Variants in NDRG4 observed in about 807,000 individuals in gnomAD.
NDRG4 encodes the protein protein NDRG4.
NDRG4 carries 38 observed loss-of-function variants against 55.8 expected under a neutral mutation model. The ratio of observed to expected loss-of-function variants is 0.68; its 90% confidence interval spans 0.53 to 0.89. The LOEUF (loss-of-function observed/expected upper bound fraction) is 0.89. Ranked by LOEUF, NDRG4 falls within the 40% of genes least tolerant of loss-of-function variation. The pLI is 0.00. For missense variants in NDRG4, 455 were observed against 468.6 expected (o/e 0.97, Z 0.27); for synonymous variants, 190 against 182.7 (o/e 1.04, Z -0.32).
Position 58,512,035 on chromosome 16 carries a change from T to A in NDRG4, c.*459T>A, listed in dbSNP as rs971283650. The A allele has an allele frequency of 2.2e-6, 1 of 458,448 alleles. No individual in the cohort carries two copies. The highest frequency in any genetic ancestry group is 2.3e-5 in the Admixed American group (1 of 42,604). 28.4% of individuals were successfully genotyped at this position (458,448 alleles called of 1,614,324 possible). On this transcript the variant is annotated 3_prime_UTR_variant, in exon 15 of 15. Coordinates refer to ENST00000570248, the MANE Select transcript of NDRG4 (RefSeq NM_001242835.2). ...CCACCCTCCACCAAGCACACCTGTT[T>A]CTGTCTCATAGCACATGTGACAATC... is the stretch of plus-strand genomic sequence containing the variant.
intron 5 of NDRG4, chr16:58,506,066 T>G (rs2037928346): frequency 6.1e-6 from 3 of 490,700 alleles, no homozygotes; most frequent in Non-Finnish European, 7.4e-6. Flanking sequence ...ATGCTTAAGA[T>G]TTTAAGATGT....
rs576277781 is a variant in NDRG4 at position 58,508,527 on chromosome 16, G to A, written c.730-435G>A. Among the ~76,000 whole-genome samples the A allele has an allele frequency of 7.9e-5, 12 of 152,262 alleles. No individual in the cohort carries two copies. The South Asian group carries it at 1.5e-3, about 18-fold the overall frequency. On this transcript the variant is annotated intron_variant, in intron 10 of 14. Coordinates refer to ENST00000570248, the MANE Select transcript of NDRG4 (RefSeq NM_001242835.2). The stretch of plus-strand genomic sequence containing the variant: ...GTCCAGAAGTGCCCAGAGCAGCCCC[G>A]TGCGCCCTGAAAATACCAGGCTTTC...
At chr16:58,469,249 C>T (rs2032315620) in intron 1 of NDRG4, among the ~76,000 whole-genome samples, 1 of 152,016 alleles carries the variant, frequency 6.6e-6, no homozygotes, top group Non-Finnish European at 1.5e-5. Context: ...TCCTCATTTC[C>T]AGTTCATCTG....
chr16:58,496,382 G>A (rs1292740801), upstream of NDRG4, among the ~76,000 whole-genome samples: 4 of 152,098 alleles, frequency 2.6e-5, no homozygotes, highest in Admixed American at 2.6e-4. Flanking sequence ...GCACCTTCCT[G>A]TCCACTCCTG....
intron 1 of NDRG4, among the ~76,000 whole-genome samples, chr16:58,486,226 A>G (rs1344316280): frequency 1.3e-5 from 2 of 152,140 alleles, no homozygotes; most frequent in Non-Finnish European, 2.9e-5. Context: ...CAGTGGTGCA[A>G]TCATAGCTCC....
intron 5 of NDRG4, chr16:58,505,902 A>G (rs745806603): frequency 1.7e-5 from 4 of 239,514 alleles, no homozygotes; most frequent in Non-Finnish European, 3.2e-5. Flanking sequence ...TTGTATTTTT[A>G]TTAGAGACAG....
chr16:58,506,385 A>C lies in NDRG4; in HGVS notation c.373-2A>C. ...CCGGCCCTGTTTCCCCTCTTACTGC[A>C]GCTCATCTTCCCCGACCTGGTGGAG... On this transcript the variant is annotated splice_acceptor_variant, in intron 5 of 14. Transcript: ENST00000570248. LOFTEE classifies it high-confidence loss of function. 6.2e-7 allele frequency: 1 copy of C among 1,613,792 alleles called. No homozygotes were observed. The highest frequency in any genetic ancestry group is 8.5e-7 in the Non-Finnish European group (1 of 1,179,950).
At chr16:58,474,420 C>T (rs892393437) in intron 1 of NDRG4, among the ~76,000 whole-genome samples, 1 of 152,184 alleles carries the variant, frequency 6.6e-6, no homozygotes, top group African/African-American at 2.4e-5. Context: ...TTGCTGTTCC[C>T]CCTGCCCTGA....
Position 58,503,919 on chromosome 16 carries a change from C to T in NDRG4, c.127+16C>T. 1.9e-6 allele frequency: 3 copies of T among 1,612,686 alleles called. No homozygotes were observed. The highest frequency in any genetic ancestry group is 2.5e-6 in the Non-Finnish European group (3 of 1,179,710). On this transcript the variant is annotated intron_variant, in intron 2 of 14. Coordinates refer to ENST00000570248, the MANE Select transcript of NDRG4 (RefSeq NM_001242835.2). ...GGCCTCAACCGTAAGTGCAGCCCAG[C>T]CTCAGTCAGCCCTCCTCTGCCTCCC...
At chr16:58,501,635 T>G in intron 1 of NDRG4, 2 of 200,724 alleles carry the variant, frequency 1.0e-5, no homozygotes, top group Non-Finnish European at 2.1e-5. Flanking sequence ...GTTAGGGAGG[T>G]TCGCAGCAGG....
At chr16:58,474,926 G>A (rs1250144537) in intron 1 of NDRG4, among the ~76,000 whole-genome samples, 2 of 152,234 alleles carry the variant, frequency 1.3e-5, no homozygotes, top group Admixed American at 1.3e-4. Flanking sequence ...AGGCAGGAAA[G>A]CTCTGGGAGT....
At chr16:58,500,487 A>T in intron 1 of NDRG4, 15 of 344,384 alleles carry the variant, frequency 4.4e-5, no homozygotes, top group East Asian at 1.0e-4. Flanking sequence ...GTCAGAGCCC[A>T]TAGCAGGGGC....
At chr16:58,476,218 T>G (rs972362159) in intron 1 of NDRG4, among the ~76,000 whole-genome samples, 4 of 152,194 alleles carry the variant, frequency 2.6e-5, no homozygotes, top group Non-Finnish European at 5.9e-5. Context: ...ATCTAAAATA[T>G]GGGGATTATT....
At position 58,480,829 on chromosome 16, in the gene NDRG4, G is replaced by A. The variant is rs371416581; in HGVS notation, c.-23-6927G>A. Among the ~76,000 whole-genome samples, 8 of 152,182 alleles carry A rather than the reference G, an allele frequency of 5.3e-5. No individual in the cohort carries two copies. The South Asian group carries it at 1.7e-3, about 32-fold the overall frequency. ...AGAGTCCCAGCCTGGCCAACATGGTGAAACCCCATTACTACTAAAAGTACA... is the reference window on the plus strand; with the variant it reads ...AGAGTCCCAGCCTGGCCAACATGGTAAAACCCCATTACTACTAAAAGTACA... On this transcript the variant is annotated intron_variant, in intron 1 of 15. Coordinates refer to the NDRG4 transcript ENST00000258187.
intron 1 of NDRG4, among the ~76,000 whole-genome samples, chr16:58,470,513 TGGCA>T (rs2032561593): frequency 6.6e-6 from 1 of 152,252 alleles, no homozygotes; most frequent in Admixed American, 6.5e-5. Context: ...TTACCTGATG[TGGCA>T]AAAGAGATTT....
chr16:58,486,918 C>T (rs1445923724), intron 1 of NDRG4, among the ~76,000 whole-genome samples: 1 of 152,100 alleles, frequency 6.6e-6, no homozygotes, highest in Non-Finnish European at 1.5e-5. Flanking sequence ...ATCACTCGGC[C>T]TGCCACACCA....
At chr16:58,496,223 C>T (rs1336782523), upstream of NDRG4, among the ~76,000 whole-genome samples, 1 of 152,024 alleles carries the variant, frequency 6.6e-6, no homozygotes, top group Non-Finnish European at 1.5e-5. Context: ...GGAGACCCTA[C>T]CATACCTCTG....
At position 58,504,612 on chromosome 16, in the gene NDRG4, G is replaced by C. The variant is rs778690374; in HGVS notation, c.335G>C (p.Gly112Ala). 22 of 1,614,184 alleles carry C rather than the reference G, an allele frequency of 1.4e-5. No individual in the cohort carries two copies. Among genetic ancestry groups the C allele is most frequent in the Non-Finnish European group, 1.9e-5 (22 of 1,180,044 alleles). ...AGGTTCAAGTATGTGATTGGCATCG[G>C]AGTGGGCGCCGGAGCCTATGTGCTG... ...HFGFKYVIGI[G>A]VGAGAYVLAK... is the part of the protein sequence containing the mutation. The change falls in exon 5 of 15, where the codon GGA (glycine) becomes GCA (alanine). Residue 112 changes from glycine to alanine, a missense_variant. Coordinates refer to ENST00000570248, the MANE Select transcript of NDRG4 (RefSeq NM_001242835.2).
intron 5 of NDRG4, chr16:58,506,104 T>C (rs912254233): frequency 7.1e-5 from 42 of 591,556 alleles, no homozygotes; most frequent in Non-Finnish European, 1.2e-4. Context: ...ACTTCAAAAA[T>C]ATATTAAGAG....
Sources: allele counts gnomAD v4.1 joint callset (sites outside exome capture counted in the v4.1 genomes callset), GRCh38; gene constraint gnomAD v4.1.1; transcripts MANE v1.5; gene names NCBI Gene and HGNC (gene_info 2026-07-23, HGNC 2026-07-21).